The following CTNNA3 variants were observed in gnomAD, a reference collection of about 807,000 sequenced individuals.
CTNNA3 encodes catenin alpha-3.
In CTNNA3, 76 loss-of-function variants were observed where a neutral mutation model predicts 95.7. That is an observed-to-expected ratio of 0.79 (90% CI 0.66 to 0.96). CTNNA3 has a LOEUF of 0.96. Among genes scored for constraint, CTNNA3 ranks in the 40% least tolerant of loss-of-function variants. CTNNA3 has a pLI of 0.00. For missense variants in CTNNA3, 1,191 were observed against 1,089.8 expected (o/e 1.09, Z -1.31); for synonymous variants, 431 against 374.4 (o/e 1.15, Z -1.74).
chr10:67,410,187 G>A (rs1845311134), intron 5 of CTNNA3, among the ~76,000 whole-genome samples: 1 of 152,138 alleles, frequency 6.6e-6, no homozygotes, highest in African/African-American at 2.4e-5. Context: ...AAAAAGGAAT[G>A]AGATCATGTC....
intron 9 of CTNNA3, among the ~76,000 whole-genome samples, chr10:66,700,735 G>C (rs771590578): frequency 6.6e-6 from 1 of 152,044 alleles, no homozygotes; most frequent in Non-Finnish European, 1.5e-5. Context: ...TGTTCATTTT[G>C]TAAGATGTGC....
At chr10:66,829,796 G>T (rs1842648330) in intron 7 of CTNNA3, among the ~76,000 whole-genome samples, 1 of 151,894 alleles carries the variant, frequency 6.6e-6, no homozygotes, top group African/African-American at 2.4e-5. Context: ...ACCACCTACT[G>T]ATCAGAAACT....
intron 9 of CTNNA3, among the ~76,000 whole-genome samples, chr10:66,674,939 A>G (rs997178739): frequency 1.3e-5 from 2 of 152,062 alleles, no homozygotes; most frequent in African/African-American, 2.4e-5. Context: ...AAAAGCTCCA[A>G]CTGCATTTAG....
intron 5 of CTNNA3, among the ~76,000 whole-genome samples, chr10:67,424,080 A>T (rs1285894244): frequency 7.9e-5 from 12 of 152,202 alleles, no homozygotes; most frequent in Admixed American, 7.9e-4. Context: ...ATGTCAATTA[A>T]CACAGTCAGC....
intron 13 of CTNNA3, among the ~76,000 whole-genome samples, chr10:66,240,049 TAA>T (rs1309012460): frequency 6.6e-6 from 1 of 152,018 alleles, no homozygotes; most frequent in East Asian, 1.9e-4. Flanking sequence ...TAGATATCCA[TAA>T]GTGTTAACAA....
At chr10:66,379,859 A>T (rs1015773057) in intron 11 of CTNNA3, among the ~76,000 whole-genome samples, 2 of 152,218 alleles carry the variant, frequency 1.3e-5, no homozygotes, top group Non-Finnish European at 2.9e-5. Flanking sequence ...TGACTAGGCC[A>T]TGAAGATAGC....
chr10:67,292,211 G>T (rs1345004345), intron 5 of CTNNA3, among the ~76,000 whole-genome samples: 1 of 152,152 alleles, frequency 6.6e-6, no homozygotes, highest in Non-Finnish European at 1.5e-5. Context: ...AGGGCAGAGA[G>T]AAAGTTTGAG....
chr10:66,144,775 A>C (rs2083795750), intron 13 of CTNNA3, among the ~76,000 whole-genome samples: 1 of 152,234 alleles, frequency 6.6e-6, no homozygotes, highest in South Asian at 2.1e-4. Context: ...GGCGTGAGCC[A>C]TGACACCCAG....
intron 13 of CTNNA3, among the ~76,000 whole-genome samples, chr10:66,243,481 C>CT (rs1401687126): frequency 6.6e-6 from 1 of 152,252 alleles, no homozygotes; most frequent in South Asian, 2.1e-4. Flanking sequence ...CCAGACATTC[C>CT]TTTTTTTCTA....
At chr10:67,406,662 T>C (rs563586517) in intron 5 of CTNNA3, among the ~76,000 whole-genome samples, 2 of 151,852 alleles carry the variant, frequency 1.3e-5, no homozygotes, top group Non-Finnish European at 2.9e-5. Flanking sequence ...GTTAATAAAA[T>C]AGACTGCTAA....
intron 13 of CTNNA3, among the ~76,000 whole-genome samples, chr10:66,105,978 G>T (rs1255534562): frequency 6.6e-6 from 1 of 152,140 alleles, no homozygotes; most frequent in Non-Finnish European, 1.5e-5. Context: ...GGAGGCCAAG[G>T]CGGGTGGATC....
At chr10:67,176,163 G>C (rs960764896) in intron 7 of CTNNA3, among the ~76,000 whole-genome samples, 2 of 152,118 alleles carry the variant, frequency 1.3e-5, no homozygotes, top group African/African-American at 4.8e-5. Context: ...TCCAAATGCA[G>C]AGATTAAGAT....
intron 10 of CTNNA3, among the ~76,000 whole-genome samples, chr10:66,613,688 C>T (rs1464638700): frequency 6.6e-6 from 1 of 151,854 alleles, no homozygotes; most frequent in Non-Finnish European, 1.5e-5. Flanking sequence ...ATAAAATCAC[C>T]TCATTTAAGT....
chr10:66,644,396 T>C (rs1297815464), intron 9 of CTNNA3, among the ~76,000 whole-genome samples: 1 of 147,894 alleles, frequency 6.8e-6, no homozygotes, highest in Admixed American at 6.8e-5. Context: ...ATATTTTACA[T>C]ATATATATTT....
intron 2 of CTNNA3, among the ~76,000 whole-genome samples, chr10:67,643,436 C>T (rs1839605126): frequency 6.6e-6 from 1 of 151,938 alleles, no homozygotes; most frequent in African/African-American, 2.4e-5. Flanking sequence ...ATGTAACAAA[C>T]CTGCACATCC....
chr10:67,497,191 T>C (rs1839053005), intron 5 of CTNNA3, among the ~76,000 whole-genome samples: 1 of 152,206 alleles, frequency 6.6e-6, no homozygotes, highest in Non-Finnish European at 1.5e-5. Flanking sequence ...TGTTTGGTTT[T>C]CTATCCCTGT....
chr10:67,475,845 G>A (rs1012606253), intron 5 of CTNNA3, among the ~76,000 whole-genome samples: 1 of 152,172 alleles, frequency 6.6e-6, no homozygotes, highest in African/African-American at 2.4e-5. Flanking sequence ...GATTTAATCT[G>A]AATGGAGGTA....
chr10:67,159,486 T>A (rs1253356635), intron 7 of CTNNA3, among the ~76,000 whole-genome samples: 1 of 152,176 alleles, frequency 6.6e-6, no homozygotes, highest in Admixed American at 6.5e-5. Context: ...TACAGACCAA[T>A]GGAACAGAAT....
At chr10:66,913,536 G>A (rs1370747651) in intron 7 of CTNNA3, among the ~76,000 whole-genome samples, 1 of 152,006 alleles carries the variant, frequency 6.6e-6, no homozygotes, top group Non-Finnish European at 1.5e-5. Flanking sequence ...CAAAACTCAA[G>A]CAATGACAAA....
Sources: gnomAD v4.1 joint callset for allele counts (sites outside exome capture counted in the v4.1 genomes callset) on GRCh38, gnomAD v4.1.1 for gene constraint, MANE v1.5 for transcripts, NCBI Gene and HGNC (gene_info 2026-07-23, HGNC 2026-07-21) for gene names.